Variants in ATP10A observed in about 807,000 individuals in gnomAD.
ATP10A encodes the protein ATPase phospholipid transporting 10A (putative).
ATP10A carries 111 observed loss-of-function variants against 147.8 expected under a neutral mutation model. The observed-to-expected ratio is 0.75, with a 90% CI of 0.64 to 0.88. The LOEUF (loss-of-function observed/expected upper bound fraction) is 0.88, where lower values mean the gene tolerates loss of function less well. Among genes scored for constraint, ATP10A ranks in the 40% least tolerant of loss-of-function variants. The pLI is 0.00. For synonymous variants in ATP10A, 875 were observed against 841.6 expected, an observed-to-expected ratio of 1.04 and a Z score of -0.69; for missense variants, 1,927 against 1,959.0, an observed-to-expected ratio of 0.98 and a Z score of 0.31.
intron 2 of ATP10A, among the ~76,000 whole-genome samples, chr15:25,759,968 AT>A (rs11343295): frequency 0.43 from 63,597 of 147,040 alleles, 13,801 homozygotes; most frequent in Non-Finnish European, 0.48. Context: ...TGATCATGTA[AT>A]TTTTTTTTTT....
intron 1 of ATP10A, among the ~76,000 whole-genome samples, chr15:25,812,421 A>G (rs1480299314): frequency 1.3e-5 from 2 of 152,240 alleles, no homozygotes; most frequent in Admixed American, 6.5e-5. Flanking sequence ...AAACATTACT[A>G]TAAAAATAAA....
At chr15:25,805,771 G>A (rs1486955928) in intron 1 of ATP10A, among the ~76,000 whole-genome samples, 1 of 152,110 alleles carries the variant, frequency 6.6e-6, no homozygotes, top group Admixed American at 6.5e-5. Flanking sequence ...GTGAAAACAA[G>A]GTCTTGCCTT....
chr15:25,724,786 C>T (rs929484609), intron 5 of ATP10A, among the ~76,000 whole-genome samples: 3 of 152,168 alleles, frequency 2.0e-5, no homozygotes, highest in Non-Finnish European at 2.9e-5. Flanking sequence ...ACTAAGAAAT[C>T]GTCAGTTCAG....
At chr15:25,769,992 G>A in intron 2 of ATP10A, among the ~76,000 whole-genome samples, 1 of 152,158 alleles carries the variant, frequency 6.6e-6, no homozygotes, top group East Asian at 1.9e-4. Flanking sequence ...GCCCAGGAGA[G>A]AGGCCTCAAG....
At chr15:25,676,024 A>T (rs550180349), downstream of ATP10A, among the ~76,000 whole-genome samples, 4 of 152,252 alleles carry the variant, frequency 2.6e-5, no homozygotes, top group South Asian at 8.3e-4. Flanking sequence ...GGTGGTGACA[A>T]AGTTGATTTT....
At chr15:25,684,736 G>T (rs1899620223) in intron 16 of ATP10A, among the ~76,000 whole-genome samples, 2 of 152,156 alleles carry the variant, frequency 1.3e-5, no homozygotes. Context: ...GCACCGCAAG[G>T]CCTGGGCTTG....
At chr15:25,676,057 C>T (rs544745320), downstream of ATP10A, among the ~76,000 whole-genome samples, 4 of 152,314 alleles carry the variant, frequency 2.6e-5, no homozygotes, top group Middle Eastern at 3.4e-3. Flanking sequence ...TGTGCCCTCA[C>T]CCTGAGTGTG....
At chr15:25,820,788 C>T (rs8036356) in intron 1 of ATP10A, among the ~76,000 whole-genome samples, 52,737 of 151,994 alleles carry the variant, frequency 0.35, 10,434 homozygotes, top group African/African-American at 0.54. Flanking sequence ...TTTAAAAGTT[C>T]CAGATAAATT....
rs567674162 is a variant in ATP10A, at chr15:25,716,626, G to A, written c.1776+104C>T. On this transcript the variant is annotated intron_variant, in intron 9 of 20. Transcript: ENST00000555815. ...CCTTAGGTCACGATGTGCCAAGAGC[G>A]CTTGCTGCAGGAAAGGGAAGGGCGC... 126 of 1,153,412 alleles carry A rather than the reference G, an allele frequency of 1.1e-4. 1 individual carries two copies. Among genetic ancestry groups the A allele is most frequent in the Middle Eastern group, 4.3e-4 (2 of 4,648 alleles). 71.4% of individuals were successfully genotyped at this position (1,153,412 alleles called of 1,614,324 possible).
At chr15:25,805,105 C>T (rs1013760103) in intron 1 of ATP10A, among the ~76,000 whole-genome samples, 1 of 152,210 alleles carries the variant, frequency 6.6e-6, no homozygotes, top group African/African-American at 2.4e-5. Flanking sequence ...AGAAGCCAGT[C>T]CAGCATCCAC....
At chr15:25,748,138 AT>A (rs1332530406) in intron 2 of ATP10A, among the ~76,000 whole-genome samples, 1 of 151,838 alleles carries the variant, frequency 6.6e-6, no homozygotes, top group Non-Finnish European at 1.5e-5. Context: ...AATTTTTTGT[AT>A]TTTTAGTAGA....
chr15:25,747,287 C>CAA (rs34660034), intron 2 of ATP10A, among the ~76,000 whole-genome samples: 247 of 113,224 alleles, frequency 2.2e-3, no homozygotes, highest in African/African-American at 7.5e-3. Context: ...AACTCCATCT[C>CAA]AAAAAAAAAA....
At chr15:25,804,076 GGTGTGTGTGT>G (rs5811398) in intron 1 of ATP10A, among the ~76,000 whole-genome samples, 26 of 144,294 alleles carry the variant, frequency 1.8e-4, no homozygotes, top group African/African-American at 6.7e-4. Flanking sequence ...CTACGTGCAT[GGTGTGTGTGT>G]GTGTGTGTGT....
intron 1 of ATP10A, among the ~76,000 whole-genome samples, chr15:25,849,251 A>G (rs918840260): frequency 4.6e-5 from 7 of 152,110 alleles, no homozygotes; most frequent in Admixed American, 1.3e-4. Context: ...TGGACGTTGG[A>G]TTGGGTGGCT....
intron 1 of ATP10A, among the ~76,000 whole-genome samples, chr15:25,782,379 A>G (rs1041092822): frequency 1.3e-5 from 2 of 152,238 alleles, no homozygotes; most frequent in African/African-American, 4.8e-5. Context: ...AATGTCACTG[A>G]ATGGTACACT....
At chr15:25,774,038 C>T (rs2040858034) in intron 2 of ATP10A, among the ~76,000 whole-genome samples, 1 of 145,430 alleles carries the variant, frequency 6.9e-6, no homozygotes, top group East Asian at 1.9e-4. Flanking sequence ...ATTAAATTCC[C>T]GTTTTTTTTT....
intron 10 of ATP10A, 44 bp downstream of exon 10, chr15:25,713,630 C>G: frequency 6.3e-7 from 1 of 1,575,772 alleles, no homozygotes. Flanking sequence ...TTCTCAGGAC[C>G]TCCTCCCCCG....
chr15:25,674,014 G>T (rs936103391), downstream of ATP10A, among the ~76,000 whole-genome samples: 3 of 152,238 alleles, frequency 2.0e-5, no homozygotes, highest in Non-Finnish European at 4.4e-5. Flanking sequence ...GGGAGACAAG[G>T]AGGTTGCGTG....
intron 12 of ATP10A, among the ~76,000 whole-genome samples, chr15:25,703,109 G>C (rs529680323): frequency 6.6e-6 from 1 of 152,230 alleles, no homozygotes; most frequent in African/African-American, 2.4e-5. Context: ...TGTAATCCCA[G>C]CACTTCGGGA....
Sources: gnomAD v4.1 joint callset for allele counts (sites outside exome capture counted in the v4.1 genomes callset) on GRCh38, gnomAD v4.1.1 for gene constraint, MANE v1.5 for transcripts, NCBI Gene and HGNC (gene_info 2026-07-23, HGNC 2026-07-21) for gene names.